Variants in PIK3C2B observed in about 807,000 individuals in gnomAD.
PIK3C2B encodes the protein phosphatidylinositol-4-phosphate 3-kinase catalytic subunit type 2 beta, also known as phosphatidylinositol 4-phosphate 3-kinase C2 domain-containing subunit beta.
A neutral mutation model predicts 184.3 loss-of-function variants in PIK3C2B; 83 were observed. The ratio of observed to expected loss-of-function variants is 0.45; its 90% CI spans 0.38 to 0.54. PIK3C2B has a LOEUF of 0.54. Among genes scored for constraint, PIK3C2B ranks in the 20% least tolerant of loss-of-function variants. The pLI, the probability that PIK3C2B is intolerant of heterozygous loss-of-function variation, is 0.00. For missense variants in PIK3C2B, 1,736 were observed against 2,113.5 expected (o/e 0.82, Z 3.50); for synonymous variants, 779 against 837.6 (o/e 0.93, Z 1.21).
intron 21 of PIK3C2B, among the ~76,000 whole-genome samples, chr1:204,440,762 A>C (rs1327549257): frequency 1.7e-5 from 1 of 58,792 alleles, no homozygotes; most frequent in Non-Finnish European, 4.0e-5. Context: ...ACGCCCAGCT[A>C]ATTTATATAT....
At chr1:204,434,330 A>G (rs1675228595) in intron 24 of PIK3C2B, 109 bp downstream of exon 24, 1 of 978,900 alleles carries the variant, frequency 1.0e-6, no homozygotes, top group Non-Finnish European at 1.6e-6. Context: ...CCCTGGGACC[A>G]TGATCTGAGG....
chr1:204,472,166 C>CCT (rs1656342811), intron 1 of PIK3C2B, among the ~76,000 whole-genome samples: 1 of 143,792 alleles, frequency 7.0e-6, no homozygotes, highest in African/African-American at 2.6e-5. Flanking sequence ...ACTGGGGGAA[C>CCT]TTTTTTTTTT....
chr1:204,455,239 GC>G (rs1299952557), intron 11 of PIK3C2B, among the ~76,000 whole-genome samples: 1 of 152,020 alleles, frequency 6.6e-6, no homozygotes, highest in Non-Finnish European at 1.5e-5. Flanking sequence ...GTCAGAGAAG[GC>G]CCCGGTTTCC....
Position 204,473,463 on chromosome 1 carries a change from A to G in PIK3C2B, c.-84-3577T>C, listed in dbSNP as rs1267749843. Among the ~76,000 whole-genome samples the G allele has an allele frequency of 2.0e-5, 3 of 152,164 alleles. No homozygotes were observed. In the East Asian group the frequency reaches 5.8e-4, roughly 29 times the overall value. ...AAAGGAGTAGCATAAGCAGATGGAG[A>G]TATCCAGAACCTAGCTGCCTGGAGC... On this transcript the variant is annotated intron_variant, in intron 1 of 32. Transcript: ENST00000684373.
At chr1:204,454,525 A>T in intron 12 of PIK3C2B, 144 bp downstream of exon 12, 4 of 622,330 alleles carry the variant, frequency 6.4e-6, no homozygotes, top group Non-Finnish European at 1.1e-5. Context: ...GAGACTCAAG[A>T]GGTTGAATGA....
intron 12 of PIK3C2B, among the ~76,000 whole-genome samples, chr1:204,451,382 C>T (rs1203269236): frequency 6.6e-6 from 1 of 152,208 alleles, no homozygotes; most frequent in Non-Finnish European, 1.5e-5. Flanking sequence ...AGCCAAGGCC[C>T]TCTTCCCTTC....
chr1:204,460,718 A>G, intron 5 of PIK3C2B, 57 bp from the exon 6 acceptor site: 1 of 1,034,288 alleles, frequency 9.7e-7, no homozygotes, highest in Non-Finnish European at 1.5e-6. Context: ...GGCAAGGGAG[A>G]TACATACCTT....
Position 204,469,366 on chromosome 1 carries a change from T to A in PIK3C2B, c.437A>T (p.Asp146Val). The A allele has an allele frequency of 1.3e-6, 2 of 1,528,492 alleles. No individual in the cohort carries two copies. The highest frequency in any genetic ancestry group is 1.8e-6 in the Non-Finnish European group (2 of 1,141,110). 94.7% of individuals were successfully genotyped at this position (1,528,492 alleles called of 1,614,324 possible). A position where few individuals can be genotyped will look rare whatever the true frequency, so the allele number is the denominator to read the frequency against. The change falls in exon 2 of 33, where the codon GAC (aspartate) becomes GTC (valine). Residue 146 changes from aspartate to valine, a missense_variant. Asp to Val is a radical substitution (Grantham distance 152). Transcript: ENST00000684373. The part of the protein sequence containing the change: ...GGVSSSPGPG[D>V]IEGSCKKLSP... ...TAGTTTCTTGCAAGAGCCCTCTATG[T>A]CCCCTGGTCCTGGGGACGAAGAGAC...
chr1:204,429,870 C>A, intron 29 of PIK3C2B, 51 bp downstream of exon 29: 1 of 1,248,906 alleles, frequency 8.0e-7, no homozygotes, highest in South Asian at 1.2e-5. Flanking sequence ...TCTGCCTCCC[C>A]AACCATCCCC....
chr1:204,457,660 C>A (rs1008075974), intron 9 of PIK3C2B, 68 bp downstream of exon 9: 1 of 1,474,062 alleles, frequency 6.8e-7, no homozygotes, highest in South Asian at 1.4e-5. Context: ...ACTCTAGCAA[C>A]AGGCAACTCA....
chr1:204,442,065 C>A (rs1675694507), intron 20 of PIK3C2B, among the ~76,000 whole-genome samples: 1 of 152,190 alleles, frequency 6.6e-6, no homozygotes. Flanking sequence ...AAGACACCTG[C>A]CTAGCCGCCC....
chr1:204,474,888 C>T (rs573221236), intron 1 of PIK3C2B, among the ~76,000 whole-genome samples: 1 of 152,132 alleles, frequency 6.6e-6, no homozygotes, highest in African/African-American at 2.4e-5. Flanking sequence ...TGGCACCACC[C>T]AGTCCCCCAA....
intron 31 of PIK3C2B, 54 bp downstream of exon 31, chr1:204,427,594 G>A (rs1326405766): frequency 1.1e-5 from 14 of 1,227,214 alleles, no homozygotes; most frequent in Middle Eastern, 1.9e-4. Context: ...GCCCAAAAAA[G>A]TAGCTAAAGA....
intron 5 of PIK3C2B, 26 bp downstream of exon 5, chr1:204,463,986 G>A (rs1246600755): frequency 2.5e-6 from 4 of 1,611,106 alleles, no homozygotes; most frequent in Admixed American, 1.7e-5. Context: ...AGGAAGGCAG[G>A]GGCTACCTCC....
chr1:204,489,734 G>A (rs989904106), intron 1 of PIK3C2B: 27 of 393,318 alleles, frequency 6.9e-5, no homozygotes, highest in Middle Eastern at 6.3e-4. Flanking sequence ...CTCTTAGGGA[G>A]ACGTCAATAG....
intron 12 of PIK3C2B, 116 bp downstream of exon 12, chr1:204,454,552 TA>T: frequency 9.6e-7 from 1 of 1,037,062 alleles, no homozygotes; most frequent in East Asian, 2.5e-5. Flanking sequence ...CAGTTAGGGT[TA>T]ACAAGGAGCC....
intron 23 of PIK3C2B, 46 bp from the exon 24 acceptor site, chr1:204,434,654 T>A (rs949475980): frequency 6.5e-7 from 1 of 1,535,842 alleles, no homozygotes; most frequent in Admixed American, 1.8e-5. Flanking sequence ...TAAAGCTGGC[T>A]TGGAAGGACT....
At chr1:204,488,628 A>G (rs1657794332) in intron 1 of PIK3C2B, among the ~76,000 whole-genome samples, 1 of 152,222 alleles carries the variant, frequency 6.6e-6, no homozygotes, top group African/African-American at 2.4e-5. Context: ...TGCCCAAAAG[A>G]TAAAATGCAA....
chr1:204,442,418 C>G lies in PIK3C2B; in HGVS notation c.3156+108G>C. On this transcript the variant is annotated intron_variant, in intron 20 of 32. Transcript: ENST00000684373. ...GACCACATGGTAAGTTAGCAACATACTGACGCCCAGACAACTCAGCTCCTC... is the reference window on the plus strand; with the variant it reads ...GACCACATGGTAAGTTAGCAACATAGTGACGCCCAGACAACTCAGCTCCTC... The G allele has an allele frequency of 7.1e-6, 5 of 701,468 alleles. No individual in the cohort carries two copies. In the East Asian group the frequency reaches 8.2e-5, roughly 12 times the overall value. 43.5% of individuals were successfully genotyped at this position (701,468 alleles called of 1,614,324 possible). A position where few individuals can be genotyped will look rare whatever the true frequency, so the allele number is the denominator to read the frequency against.
Sources: allele counts gnomAD v4.1 joint callset (sites outside exome capture counted in the v4.1 genomes callset), GRCh38; gene constraint gnomAD v4.1.1; transcripts MANE v1.5; gene names NCBI Gene and HGNC (gene_info 2026-07-23, HGNC 2026-07-21).